The following CMTM1 variants were observed in gnomAD, a reference collection of about 807,000 sequenced individuals.
The protein encoded by CMTM1 is CKLF like MARVEL transmembrane domain containing 1.
Under a neutral mutation model 17.8 loss-of-function variants are expected in CMTM1, and 16 were observed. That is an observed-to-expected ratio of 0.90 (90% CI 0.61 to 1.37). The LOEUF (loss-of-function observed/expected upper bound fraction) is 1.37. CMTM1 is among the 40% of genes most tolerant of loss of function. The probability of loss-of-function intolerance (pLI) is 0.00; values close to 1 mark genes in which losing one functional copy is unlikely to be tolerated. For missense variants in CMTM1, 354 were observed against 375.6 expected (o/e 0.94, Z 0.47); for synonymous variants, 169 against 154.6 (o/e 1.09, Z -0.69).
intron 2 of CMTM1, among the ~76,000 whole-genome samples, chr16:66,572,077 G>A (rs552238794): frequency 6.6e-6 from 1 of 152,188 alleles, no homozygotes; most frequent in Non-Finnish European, 1.5e-5. Flanking sequence ...GCCCAGAGGT[G>A]ATTCGGAGCC....
chr16:66,577,034 T>C (rs1322178184), intron 2 of CMTM1, 70 bp from the exon 3 acceptor site: 3 of 1,407,680 alleles, frequency 2.1e-6, no homozygotes, highest in African/African-American at 1.4e-5. Flanking sequence ...AGATGTGTAA[T>C]TGACCAGTTT....
rs565746169 is a variant in CMTM1 at position 66,577,221 on chromosome 16, G to T, written c.690+19G>T. 48 of 1,591,774 alleles carry T rather than the reference G, an allele frequency of 3.0e-5. 1 individual carries two copies. The South Asian group carries it at 5.3e-4, about 18-fold the overall frequency. On this transcript the variant is annotated intron_variant, in intron 3 of 3. Transcript: ENST00000379500. ...CGGGGGGGTAAGTAGAGGCCTTCAT[G>T]ACTCCATTTAAGATCAGTATTCCAA...
chr16:66,574,748 T>G (rs2014014222), intron 2 of CMTM1, among the ~76,000 whole-genome samples: 1 of 152,256 alleles, frequency 6.6e-6, no homozygotes, highest in South Asian at 2.1e-4. Flanking sequence ...TGTGCGTTTG[T>G]TCAAATTCTT....
chr16:66,568,778 C>A (rs538857176), intron 1 of CMTM1, among the ~76,000 whole-genome samples: 1 of 151,094 alleles, frequency 6.6e-6, no homozygotes, highest in Non-Finnish European at 1.5e-5. Context: ...CCCAGCTACT[C>A]GGGAGGCTGC....
chr16:66,576,255 G>A (rs1180647735), intron 2 of CMTM1, among the ~76,000 whole-genome samples: 1 of 152,116 alleles, frequency 6.6e-6, no homozygotes, highest in African/African-American at 2.4e-5. Flanking sequence ...AAAATTAGCT[G>A]GGTGTGGTGG....
intron 1 of CMTM1, 102 bp downstream of exon 1, chr16:66,567,047 CTT>C (rs1169436944): frequency 8.1e-7 from 1 of 1,235,562 alleles, no homozygotes; most frequent in East Asian, 2.5e-5. Flanking sequence ...CCATAATTCA[CTT>C]TGCCACTCAC....
Position 66,566,531 on chromosome 16 carries a change from C to G in CMTM1, c.18C>G (p.Ala6=). The G allele has an allele frequency of 1.2e-6, 2 of 1,610,894 alleles. No individual in the cohort carries two copies. Among genetic ancestry groups the G allele is most frequent in the Non-Finnish European group, 1.7e-6 (2 of 1,178,710 alleles). The change falls in exon 1 of 4, where the codon GCC becomes GCG. Residue 6 remains alanine (A), a synonymous_variant. Coordinates refer to ENST00000379500, the MANE Select transcript of CMTM1 (RefSeq NM_052999.4). The surrounding 1 kb of genome is among the most constrained non-coding windows in gnomAD (Gnocchi z 4.9). ...GACCCACCATGGATCCTGAACACGC[C>G]AAACCTGAGTCATCCGAGGCACCTT... MDPEH[A]KPESSEAPSG...
At chr16:66,571,774 G>T (rs1248203188) in intron 2 of CMTM1, among the ~76,000 whole-genome samples, 4 of 152,166 alleles carry the variant, frequency 2.6e-5, no homozygotes, top group African/African-American at 9.7e-5. Context: ...TCTGAGAAAT[G>T]GACTCATGCA....
At chr16:66,567,929 A>G (rs2012839081) in intron 1 of CMTM1, among the ~76,000 whole-genome samples, 1 of 152,260 alleles carries the variant, frequency 6.6e-6, no homozygotes. Flanking sequence ...CAATATAAAC[A>G]TAGAAGAAAA....
Position 66,578,855 on chromosome 16 carries a change from G to GT in CMTM1, c.716dup (p.Cys240ValfsTer25), listed in dbSNP as rs2014597513. On this transcript the variant is annotated frameshift_variant, in exon 4 of 4. Transcript: ENST00000379500. LOFTEE classifies it low-confidence loss of function (END_TRUNC). ...GTCCCTGTGTCTCACAGCGGTAATC[G>GT]TGTGTTGCATCGATGCGTTTGTGGT... 1 of 1,614,012 alleles carries GT rather than the reference G, an allele frequency of 6.2e-7. No homozygotes were observed. The highest frequency in any genetic ancestry group is 2.2e-5 in the East Asian group (1 of 44,882).
At chr16:66,567,193 A>G (rs1240767795) in intron 1 of CMTM1, 6 of 582,634 alleles carry the variant, frequency 1.0e-5, no homozygotes, top group South Asian at 6.0e-5. Context: ...CTTACGGGGT[A>G]CATGTGTAGA....
intron 3 of CMTM1, 64 bp downstream of exon 3, chr16:66,577,266 G>T: frequency 7.3e-6 from 10 of 1,378,724 alleles, no homozygotes; most frequent in Non-Finnish European, 1.0e-5. Context: ...AAGGGAAATT[G>T]GCAGACCCCA....
intron 1 of CMTM1, among the ~76,000 whole-genome samples, 166 bp from the exon 2 acceptor site, chr16:66,569,770 T>C (rs1357535864): frequency 6.6e-6 from 1 of 152,202 alleles, no homozygotes; most frequent in Non-Finnish European, 1.5e-5. Context: ...TGTGTGCTTT[T>C]TTTATTATTT....
At chr16:66,573,589 G>C (rs2013834888) in intron 2 of CMTM1, among the ~76,000 whole-genome samples, 1 of 151,088 alleles carries the variant, frequency 6.6e-6, no homozygotes, top group South Asian at 2.1e-4. Context: ...ACCAATGAAA[G>C]TTGCAGTTAA....
At chr16:66,570,581 C>T (rs1294077526) in intron 2 of CMTM1, among the ~76,000 whole-genome samples, 1 of 152,164 alleles carries the variant, frequency 6.6e-6, no homozygotes, top group African/African-American at 2.4e-5. Flanking sequence ...AGGTGCCGGA[C>T]TATCCAGAAA....
intron 3 of CMTM1, 29 bp from the exon 4 acceptor site, chr16:66,578,802 C>A: frequency 6.2e-7 from 1 of 1,607,792 alleles, no homozygotes; most frequent in South Asian, 1.1e-5. Flanking sequence ...CCCGTCTTTC[C>A]TTCCCGCATA....
intron 1 of CMTM1, among the ~76,000 whole-genome samples, chr16:66,568,085 A>G (rs1195449003): frequency 2.0e-5 from 3 of 152,254 alleles, no homozygotes. Context: ...TAACTTCTGA[A>G]CTATCTTTAC....
intron 2 of CMTM1, chr16:66,575,265 C>T: frequency 1.1e-6 from 1 of 947,830 alleles, no homozygotes; most frequent in Non-Finnish European, 1.3e-6. Context: ...TGCACTCCCA[C>T]CAGCTACTAG....
At chr16:66,567,221 A>G (rs890459564) in intron 1 of CMTM1, 3 of 525,718 alleles carry the variant, frequency 5.7e-6, no homozygotes, top group Non-Finnish European at 1.0e-5. Flanking sequence ...GTTTTGTTAC[A>G]TAGGTATATA....
Sources: allele counts gnomAD v4.1 joint callset (sites outside exome capture counted in the v4.1 genomes callset), GRCh38; gene constraint gnomAD v4.1.1; non-coding constraint Gnocchi (gnomAD v3.1); transcripts MANE v1.5; gene names NCBI Gene and HGNC (gene_info 2026-07-23, HGNC 2026-07-21).